Variants in TYW1B observed in about 807,000 individuals in gnomAD.
The protein encoded by TYW1B is tRNA-yW synthesizing protein 1 homolog B.
Under a neutral mutation model 86.9 loss-of-function variants are expected in TYW1B, and 73 were observed. The observed-to-expected ratio is 0.84, with a 90% CI of 0.70 to 1.02. The LOEUF (loss-of-function observed/expected upper bound fraction) is 1.02, where lower values mean the gene tolerates loss of function less well. Among genes scored for constraint, TYW1B ranks in the 50% least tolerant of loss-of-function variants. The pLI is 0.00. For synonymous variants in TYW1B, 248 were observed against 292.8 expected (o/e 0.85, Z 1.56); for missense variants, 637 against 827.4 (o/e 0.77, Z 2.82).
chr7:72,718,878 T>C (rs1247251881), intron 9 of TYW1B, among the ~76,000 whole-genome samples: 3 of 152,154 alleles, frequency 2.0e-5, no homozygotes, highest in African/African-American at 7.2e-5. Context: ...GGCTAGGCCC[T>C]GGCCTCTGGG....
chr7:72,738,892 G>A (rs35561706), intron 8 of TYW1B, among the ~76,000 whole-genome samples: 6 of 151,876 alleles, frequency 4.0e-5, no homozygotes, highest in Middle Eastern at 3.4e-3. Context: ...GAAACATAGC[G>A]AGACCCTGTC....
At chr7:72,610,359 C>T (rs1412990978) in intron 13 of TYW1B, among the ~76,000 whole-genome samples, 1 of 152,066 alleles carries the variant, frequency 6.6e-6, no homozygotes, top group East Asian at 1.9e-4. Flanking sequence ...CCGAGTCAAC[C>T]CATTCACTCT....
chr7:72,687,793 T>C (rs535057507), intron 11 of TYW1B, among the ~76,000 whole-genome samples: 23 of 152,200 alleles, frequency 1.5e-4, no homozygotes, highest in African/African-American at 5.3e-4. Context: ...CAGTGGCTCA[T>C]GCCTGTAATC....
At chr7:72,781,380 A>G (rs1435723275) in intron 6 of TYW1B, among the ~76,000 whole-genome samples, 1 of 152,120 alleles carries the variant, frequency 6.6e-6, no homozygotes, top group African/African-American at 2.4e-5. Context: ...TCCTGGCGTC[A>G]CTTCGTTGCA....
chr7:72,665,700 A>G (rs1210262879), intron 11 of TYW1B, among the ~76,000 whole-genome samples: 1 of 152,218 alleles, frequency 6.6e-6, no homozygotes, highest in African/African-American at 2.4e-5. Context: ...CAGTGGCAGT[A>G]GCCTATGTTA....
rs1787362963 is a variant in TYW1B, at chr7:72,744,568, G to A, written c.998C>T (p.Thr333Ile). 6.2e-7 allele frequency: 1 copy of A among 1,613,402 alleles called. No individual in the cohort carries two copies. Among genetic ancestry groups the A allele is most frequent in the South Asian group, 1.1e-5 (1 of 91,072 alleles). The part of the protein sequence containing the change: ...DAPRERSLLQ[T>I]HILWNESHRC... ...ATGGCTCTCATTCCATAGAATGTGTGTTTGTAACAAGCTCCTCTCCCTCGG... is the reference window on the plus strand; with the variant it reads ...ATGGCTCTCATTCCATAGAATGTGTATTTGTAACAAGCTCCTCTCCCTCGG... Residue 333 changes from threonine (T) to isoleucine (I), a missense_variant, in exon 8 of 14, where the codon ACA becomes ATA. Thr to Ile is a moderately conservative substitution (Grantham distance 89). Transcript: ENST00000620995.
intron 9 of TYW1B, among the ~76,000 whole-genome samples, chr7:72,727,029 C>A (rs1176117449): frequency 2.0e-5 from 3 of 152,106 alleles, no homozygotes; most frequent in Non-Finnish European, 2.9e-5. Context: ...ATGGCCCCCA[C>A]GTTTCAATTA....
chr7:72,666,507 G>C (rs1436172717), intron 11 of TYW1B, among the ~76,000 whole-genome samples: 1 of 152,044 alleles, frequency 6.6e-6, no homozygotes, highest in Non-Finnish European at 1.5e-5. Flanking sequence ...AATACAGTGG[G>C]CAGCAGGAAG....
At chr7:72,804,828 G>A (rs139852078) in intron 5 of TYW1B, among the ~76,000 whole-genome samples, 43 of 152,158 alleles carry the variant, frequency 2.8e-4, no homozygotes, top group Non-Finnish European at 5.6e-4. Flanking sequence ...AGACTAGCCC[G>A]TCTCAAAAAA....
chr7:72,666,507 G>T (rs1436172717), intron 11 of TYW1B, among the ~76,000 whole-genome samples: 3 of 152,044 alleles, frequency 2.0e-5, no homozygotes, highest in Non-Finnish European at 2.9e-5. Context: ...AATACAGTGG[G>T]CAGCAGGAAG....
chr7:72,781,509 T>C (rs1788049702), intron 6 of TYW1B, among the ~76,000 whole-genome samples: 1 of 152,138 alleles, frequency 6.6e-6, no homozygotes, highest in Non-Finnish European at 1.5e-5. Context: ...CCTATCTCCT[T>C]GCCAGTCGAC....
At chr7:72,582,032 G>A (rs1456425457) in intron 13 of TYW1B, among the ~76,000 whole-genome samples, 1 of 151,770 alleles carries the variant, frequency 6.6e-6, no homozygotes, top group Middle Eastern at 3.2e-3. Context: ...GCCTCCCAAA[G>A]TGCTGGGATA....
intron 11 of TYW1B, among the ~76,000 whole-genome samples, chr7:72,649,693 CAA>C (rs1298658483): frequency 2.0e-5 from 3 of 152,194 alleles, no homozygotes; most frequent in Admixed American, 2.0e-4. Context: ...ACGACTGAGA[CAA>C]AGTAAATTTT....
chr7:72,720,212 G>C (rs570227711), intron 9 of TYW1B, among the ~76,000 whole-genome samples: 1 of 152,262 alleles, frequency 6.6e-6, no homozygotes, highest in East Asian at 1.9e-4. Flanking sequence ...AAAGTGTTTG[G>C]CTCCAGCAAC....
chr7:72,810,500 T>C lies in TYW1B; in HGVS notation c.403A>G (p.Asn135Asp), dbSNP rs759983441. 5 of 1,613,632 alleles carry C rather than the reference T, an allele frequency of 3.1e-6. No individual in the cohort carries two copies. The highest frequency in any genetic ancestry group is 4.2e-6 in the Non-Finnish European group (5 of 1,179,752). ...TTGAAGTGGCTAGCATAGGCAGAATTTCCCAGGCCAAATACCGCATCTCTC... is the reference window on the plus strand; with the variant it reads ...TTGAAGTGGCTAGCATAGGCAGAATCTCCCAGGCCAAATACCGCATCTCTC... Reference protein sequence around the residue: ...GMRDAVFGLGNSAYASHFNKV... With the variant: ...GMRDAVFGLGDSAYASHFNKV... The change falls in exon 4 of 14, where the codon AAT becomes GAT. Residue 135 changes from asparagine to aspartate, a missense_variant. Transcript: ENST00000620995.
At chr7:72,702,598 G>C (rs1299830653) in intron 10 of TYW1B, among the ~76,000 whole-genome samples, 9 of 151,976 alleles carry the variant, frequency 5.9e-5, no homozygotes, top group African/African-American at 1.9e-4. Context: ...TGTAGGTCAA[G>C]CTGGTCTTGA....
chr7:72,688,077 T>C (rs1466880925), intron 11 of TYW1B, among the ~76,000 whole-genome samples: 1 of 152,170 alleles, frequency 6.6e-6, no homozygotes, highest in Non-Finnish European at 1.5e-5. Flanking sequence ...ATGTACAACA[T>C]GATTTCAATT....
intron 11 of TYW1B, among the ~76,000 whole-genome samples, chr7:72,659,069 C>T (rs1554444094): frequency 6.6e-6 from 1 of 152,120 alleles, no homozygotes; most frequent in African/African-American, 2.4e-5. Context: ...TTACCTTAAT[C>T]ATTAGGAAGA....
chr7:72,826,580 T>C (rs1221130615), intron 2 of TYW1B, among the ~76,000 whole-genome samples: 1 of 152,288 alleles, frequency 6.6e-6, no homozygotes, highest in East Asian at 1.9e-4. Context: ...CCCTTAAAGG[T>C]ATAAAACAAA....
Sources: gnomAD v4.1 joint callset for allele counts (sites outside exome capture counted in the v4.1 genomes callset) on GRCh38, gnomAD v4.1.1 for gene constraint, MANE v1.5 for transcripts, NCBI Gene and HGNC (gene_info 2026-07-23, HGNC 2026-07-21) for gene names.